Variants in CHST8 observed in about 807,000 individuals in gnomAD.
The protein encoded by CHST8 is GALNAC-4-ST1.
In CHST8, 10 loss-of-function variants were observed where a neutral mutation model predicts 15.0. The ratio of observed to expected loss-of-function variants is 0.67; its 90% confidence interval spans 0.41 to 1.13. CHST8 has a LOEUF of 1.13. CHST8 is among the 50% of genes most tolerant of loss of function. The pLI, the probability that CHST8 is intolerant of heterozygous loss-of-function variation, is 0.00. For missense variants in CHST8, 634 were observed against 608.2 expected, an observed-to-expected ratio of 1.04 and a Z score of -0.45; for synonymous variants, 259 against 256.6, an observed-to-expected ratio of 1.01 and a Z score of -0.09.
chr19:33,727,526 G>A (rs1473058439), intron 3 of CHST8, among the ~76,000 whole-genome samples: 3 of 152,192 alleles, frequency 2.0e-5, no homozygotes, highest in Non-Finnish European at 4.4e-5. Context: ...TGGTCAGGCC[G>A]TGCTTGGGGC....
intron 1 of CHST8, among the ~76,000 whole-genome samples, chr19:33,662,911 G>A (rs1484590912): frequency 6.6e-6 from 1 of 152,154 alleles, no homozygotes. Context: ...TCAAGCTTCT[G>A]AGACAGTCAT....
At chr19:33,642,670 T>C (rs1161566704) in intron 1 of CHST8, among the ~76,000 whole-genome samples, 2 of 152,212 alleles carry the variant, frequency 1.3e-5, no homozygotes, top group African/African-American at 4.8e-5. Context: ...GCCAGGAGTC[T>C]TAAAGATTCC....
At chr19:33,734,937 C>T (rs1039068029) in intron 3 of CHST8, among the ~76,000 whole-genome samples, 3 of 152,156 alleles carry the variant, frequency 2.0e-5, no homozygotes, top group African/African-American at 4.8e-5. Context: ...AGAGGGTAAA[C>T]GGGATCTCTG....
chr19:33,685,263 A>T (rs1972956694), intron 2 of CHST8: 1 of 152,204 alleles, frequency 6.6e-6, no homozygotes, highest in Non-Finnish European at 1.5e-5. Context: ...TTCTTCAAAG[A>T]GACACATTTT....
chr19:33,673,410 G>A (rs576824010), intron 2 of CHST8, among the ~76,000 whole-genome samples: 1 of 152,210 alleles, frequency 6.6e-6, no homozygotes, highest in South Asian at 2.1e-4. Flanking sequence ...ACCTAAGGTG[G>A]GAGCCAGGGA....
intron 1 of CHST8, among the ~76,000 whole-genome samples, chr19:33,624,771 G>C (rs140804534): frequency 6.6e-6 from 1 of 152,328 alleles, no homozygotes; most frequent in Non-Finnish European, 1.5e-5. Context: ...TTTTGCTGAT[G>C]GAAGAGAGGA....
chr19:33,751,110 G>A (rs1035876819), intron 3 of CHST8, among the ~76,000 whole-genome samples: 5 of 152,196 alleles, frequency 3.3e-5, no homozygotes, highest in Admixed American at 1.3e-4. Flanking sequence ...AGATAAAAAG[G>A]CAAGTCATTA....
At chr19:33,712,140 G>A (rs371353712) in intron 3 of CHST8, among the ~76,000 whole-genome samples, 8 of 152,206 alleles carry the variant, frequency 5.3e-5, no homozygotes, top group African/African-American at 1.9e-4. Context: ...CACTGGAATT[G>A]TGATGTATAT....
Position 33,757,546 on chromosome 19 carries a change from A to G in CHST8, c.131-13867A>G, listed in dbSNP as rs1190824747. ...AGAGAAAGAAAGAAAGAAAGAAAGA[A>G]AGAAAGAAAGAAAGAAAGAAAGAAA... On this transcript the variant is annotated intron_variant, in intron 3 of 4. Coordinates refer to ENST00000650847, the MANE Select transcript of CHST8 (RefSeq NM_001127895.2). Among the ~76,000 whole-genome samples, 472 of 110,074 alleles carry G rather than the reference A, an allele frequency of 4.3e-3. 31 individuals are homozygous for G. The highest frequency in any genetic ancestry group is 7.2e-3 in the Non-Finnish European group (369 of 51,466). 72.2% of individuals were successfully genotyped at this position (110,074 alleles called of 152,430 possible). A position where few individuals can be genotyped will look rare whatever the true frequency, so the allele number is the denominator to read the frequency against.
intron 3 of CHST8, among the ~76,000 whole-genome samples, chr19:33,692,834 G>A (rs1008735511): frequency 6.6e-6 from 1 of 152,096 alleles, no homozygotes; most frequent in Non-Finnish European, 1.5e-5. Flanking sequence ...AACACATGCA[G>A]TAGTGGAGTA....
At chr19:33,644,457 G>A (rs922908432) in intron 1 of CHST8, among the ~76,000 whole-genome samples, 4 of 152,122 alleles carry the variant, frequency 2.6e-5, no homozygotes, top group Admixed American at 2.0e-4. Context: ...TATGATGGCC[G>A]GGTGTGGTGG....
chr19:33,624,410 A>G (rs1331313200), intron 1 of CHST8, among the ~76,000 whole-genome samples: 1 of 152,200 alleles, frequency 6.6e-6, no homozygotes, highest in African/African-American at 2.4e-5. Flanking sequence ...CTGCTGTTAG[A>G]GATGCCTTTA....
At chr19:33,733,012 G>A (rs1367103790) in intron 3 of CHST8, among the ~76,000 whole-genome samples, 1 of 152,040 alleles carries the variant, frequency 6.6e-6, no homozygotes, top group Non-Finnish European at 1.5e-5. Flanking sequence ...ATCAATGATT[G>A]ATGATTGATT....
rs1568358815 is a variant in CHST8 at position 33,757,526 on chromosome 19, A to AGAGAGAG, written c.131-13887_131-13886insGAGAGAG. On this transcript the variant is annotated intron_variant, in intron 3 of 4. Transcript: ENST00000650847. ...AGAAAGAAAGAAAGAAAGAAAGAGAAAGAAAGAAAGAAAGAAAGAAAGAAA... is the reference window on the plus strand; with the variant it reads ...AGAAAGAAAGAAAGAAAGAAAGAGAAGAGAGAGAGAAAGAAAGAAAGAAAGAAAGAAA... 4.0e-4 allele frequency among the ~76,000 whole-genome samples: 7 copies of AGAGAGAG among 17,656 alleles called. 2 individuals are homozygous for AGAGAGAG. The highest frequency in any genetic ancestry group is 6.9e-4 in the African/African-American group (3 of 4,360). 11.6% of individuals were successfully genotyped at this position (17,656 alleles called of 152,430 possible).
At chr19:33,720,985 A>G (rs767658800) in intron 3 of CHST8, among the ~76,000 whole-genome samples, 1 of 152,244 alleles carries the variant, frequency 6.6e-6, no homozygotes, top group African/African-American at 2.4e-5. Flanking sequence ...TGATCTGACC[A>G]GAGTTGCCCT....
At chr19:33,646,752 C>A (rs1972360752) in intron 1 of CHST8, among the ~76,000 whole-genome samples, 1 of 152,000 alleles carries the variant, frequency 6.6e-6, no homozygotes, top group South Asian at 2.1e-4. Context: ...TGTCTCTACT[C>A]AAAATACAAA....
intron 3 of CHST8, among the ~76,000 whole-genome samples, chr19:33,766,952 C>T (rs898927218): frequency 6.6e-6 from 1 of 152,264 alleles, no homozygotes; most frequent in Non-Finnish European, 1.5e-5. Flanking sequence ...TCAAACTCCA[C>T]CACAGACAGG....
At chr19:33,771,779 G>C (rs528434904) in intron 4 of CHST8, among the ~76,000 whole-genome samples, 178 bp from the exon 5 acceptor site, 38 of 152,250 alleles carry the variant, frequency 2.5e-4, no homozygotes, top group African/African-American at 9.1e-4. Context: ...CTCAGCGGGA[G>C]GGAGGCCTTT....
At chr19:33,713,798 C>T (rs796994575) in intron 3 of CHST8, among the ~76,000 whole-genome samples, 17 of 152,220 alleles carry the variant, frequency 1.1e-4, no homozygotes, top group East Asian at 1.9e-4. Flanking sequence ...TGACTTCGAA[C>T]GGGCACCCGC....
Sources: allele counts gnomAD v4.1 joint callset (sites outside exome capture counted in the v4.1 genomes callset), GRCh38; gene constraint gnomAD v4.1.1; transcripts MANE v1.5; gene names NCBI Gene and HGNC (gene_info 2026-07-23, HGNC 2026-07-21).